LIPE: variants seen among roughly 807,000 people sequenced by gnomAD.
LIPE encodes the protein hormone-sensitive lipase.
LIPE carries 66 observed loss-of-function variants against 88.5 expected under a neutral mutation model. The observed-to-expected ratio is 0.75, with a 90% CI of 0.61 to 0.91. The LOEUF is 0.91. Among genes scored for constraint, LIPE ranks in the 40% least tolerant of loss-of-function variants. LIPE has a pLI of 0.00. For missense variants in LIPE, 1,346 were observed against 1,434.7 expected (o/e 0.94, Z 1.00); for synonymous variants, 570 against 617.5 (o/e 0.92, Z 1.14).
At chr19:42,424,670 T>A in intron 1 of LIPE, 1 of 456,100 alleles carries the variant, frequency 2.2e-6, no homozygotes, top group Non-Finnish European at 4.4e-6. Context: ...TTGCCTGCCC[T>A]CTGGACCAGG....
chr19:42,425,716 A>G (rs1817400719), intron 1 of LIPE, among the ~76,000 whole-genome samples: 1 of 152,160 alleles, frequency 6.6e-6, no homozygotes, highest in Admixed American at 6.5e-5. Context: ...AGGCTGAGGT[A>G]TGAGGATCGC....
In LIPE at chr19:42,403,292, T is replaced by TGA. The variant is rs1555787937; in HGVS notation, c.2543-263_2543-262dup. 0.22 allele frequency among the ~76,000 whole-genome samples: 28,416 copies of TGA among 128,838 alleles called. 5,438 individuals are homozygous for TGA. The highest frequency in any genetic ancestry group is 0.27 in the East Asian group (1,132 of 4,224). The allele number at this position is 128,838 out of a possible 152,430, so 84.5% of individuals were successfully genotyped here. A position where few individuals can be genotyped will look rare whatever the true frequency, so the allele number is the denominator to read the frequency against. ...GTGTGTGTGTGTGTGTGTGTGTGTG[T>TGA]GACTGGGAAGATTAGGTGCAGTTTA... On this transcript the variant is annotated intron_variant, in intron 8 of 9. Transcript: ENST00000244289.
At position 42,403,024 on chromosome 19, in the gene LIPE, C is replaced by G; in HGVS notation, c.2550G>C (p.Met850Ile). 6.4e-7 allele frequency: 1 copy of G among 1,555,070 alleles called. No homozygotes were observed. Among genetic ancestry groups the G allele is most frequent in the South Asian group, 1.2e-5 (1 of 86,262 alleles). Residue 850 changes from methionine to isoleucine, a missense_variant, in exon 9 of 10, where the codon ATG becomes ATC. By Grantham distance (10) the Met-to-Ile change is conservative (BLOSUM62 1). Transcript: ENST00000244289. ...QKMSEPIAEP[M>I]RRSVSEAALA... ...GTGCTGCTTCAGACACACTGCGGCG[C>G]ATCGGCTCTGAGAGAGGGAGAGCAG...
chr19:42,421,422 G>A (rs1255123941), intron 1 of LIPE, among the ~76,000 whole-genome samples: 1 of 152,060 alleles, frequency 6.6e-6, no homozygotes, highest in Non-Finnish European at 1.5e-5. Context: ...ATCTTCCCAG[G>A]GTGTTTTTCT....
rs549086455 is a variant in LIPE, at chr19:42,407,432, C to T, written c.1879G>A (p.Gly627Ser). 4 of 1,613,392 alleles carry T rather than the reference C, an allele frequency of 2.5e-6. No homozygotes were observed. The highest frequency in any genetic ancestry group is 2.7e-5 in the African/African-American group (2 of 74,992). ...EELSSLIKSN[G>S]QRSLELWPRP... is the part of the protein sequence containing the mutation. ...GGCCACAGCTCCAGGCTCCGTTGGCCGTTGGACTTTATCAGGCTGCTGAGC... is the reference window on the plus strand; with the variant it reads ...GGCCACAGCTCCAGGCTCCGTTGGCTGTTGGACTTTATCAGGCTGCTGAGC... Residue 627 changes from glycine to serine, a missense_variant, in exon 6 of 10, where the codon GGC (glycine) becomes AGC (serine). Gly to Ser is a moderately conservative substitution (Grantham distance 56). Transcript: ENST00000244289. This position sits in a 1 kb window ranked among gnomAD's most constrained non-coding sequence, Gnocchi z 5.8.
At chr19:42,420,564 G>A (rs1170839049) in intron 1 of LIPE, among the ~76,000 whole-genome samples, 1 of 151,862 alleles carries the variant, frequency 6.6e-6, no homozygotes, top group Non-Finnish European at 1.5e-5. Context: ...AACCCAGGAT[G>A]TCATCCTGGC....
chr19:42,424,421 C>T, intron 1 of LIPE: 1 of 456,356 alleles, frequency 2.2e-6, no homozygotes, highest in South Asian at 1.5e-5. Context: ...GAAAGGCAAC[C>T]TCGCCCGCCG....
intron 1 of LIPE, among the ~76,000 whole-genome samples, chr19:42,418,005 C>A (rs1457045564): frequency 4.1e-5 from 6 of 147,766 alleles, no homozygotes; most frequent in African/African-American, 1.5e-4. Flanking sequence ...TTTTTTGAGA[C>A]AAGTTTCGCT....
chr19:42,408,377 G>A lies in LIPE; in HGVS notation c.1420-55C>T, dbSNP rs2040260764. Reference sequence around the variant, plus strand: ...CGCTCAAGAGAGGGATGGGGACAGGGCAGGAGCGAGGCACAGGGATGTGCG... The same window carrying A: ...CGCTCAAGAGAGGGATGGGGACAGGACAGGAGCGAGGCACAGGGATGTGCG... On this transcript the variant is annotated intron_variant, in intron 2 of 9. Transcript: ENST00000244289. This position sits in a 1 kb window ranked among gnomAD's most constrained non-coding sequence, Gnocchi z 4.3. 4 of 1,423,830 alleles carry A rather than the reference G, an allele frequency of 2.8e-6. No homozygotes were observed. The highest frequency in any genetic ancestry group is 2.3e-5 in the South Asian group (2 of 87,172). 88.2% of individuals were successfully genotyped at this position (1,423,830 alleles called of 1,614,324 possible).
In LIPE at chr19:42,405,976, TCACACA is replaced by T. The variant is rs57282318; in HGVS notation, c.2365+179_2365+184del. On this transcript the variant is annotated intron_variant, in intron 7 of 9. Transcript: ENST00000244289. Reference sequence around the variant, plus strand: ...GTGTCTGTCTGTCTCTCTCTCTCTCTCACACACACACACACACACACACACACACAC... The same window carrying T: ...GTGTCTGTCTGTCTCTCTCTCTCTCTCACACACACACACACACACACACAC... 7,356 of 416,374 alleles carry T rather than the reference TCACACA, an allele frequency of 0.018. 22 individuals are homozygous for T. Among genetic ancestry groups the T allele is most frequent in the South Asian group, 0.023 (618 of 27,346 alleles). 25.8% of individuals were successfully genotyped at this position (416,374 alleles called of 1,614,324 possible).
chr19:42,411,232 G>T, intron 1 of LIPE: 1 of 860,664 alleles, frequency 1.2e-6, no homozygotes, highest in Non-Finnish European at 1.4e-6. Flanking sequence ...GACATTCCCT[G>T]AGCCCACACG....
chr19:42,401,560 AG>A lies in LIPE; in HGVS notation c.*251del, dbSNP rs1200774444. On this transcript the variant is annotated 3_prime_UTR_variant, in exon 10 of 10. Transcript: ENST00000244289. ...AACAAACCAAACCGACCTGCAAGGG[AG>A]GGCCAGTCCCCGTCCCTGCGGCGGT... The A allele has an allele frequency of 2.7e-5, 13 of 481,018 alleles. No individual in the cohort carries two copies. Among genetic ancestry groups the A allele is most frequent in the Non-Finnish European group, 4.7e-5 (13 of 274,086 alleles). 29.8% of individuals were successfully genotyped at this position (481,018 alleles called of 1,614,324 possible). A position where few individuals can be genotyped will look rare whatever the true frequency, so the allele number is the denominator to read the frequency against.
In LIPE at chr19:42,407,081, A is replaced by T. The variant is rs2040208673; in HGVS notation, c.2137+93T>A. 2.7e-6 allele frequency: 3 copies of T among 1,108,466 alleles called. No individual in the cohort carries two copies. The highest frequency in any genetic ancestry group is 3.7e-6 in the Non-Finnish European group (3 of 803,258). 68.7% of individuals were successfully genotyped at this position (1,108,466 alleles called of 1,614,324 possible). A position where few individuals can be genotyped will look rare whatever the true frequency, so the allele number is the denominator to read the frequency against. ...AGCTGGGAGGTGTGGGGGGAGAGAA[A>T]GGTAGAGGGTGTGAGGCTGAGGCTG... On this transcript the variant is annotated intron_variant, in intron 6 of 9. Coordinates refer to ENST00000244289, the MANE Select transcript of LIPE (RefSeq NM_005357.4). The surrounding 1 kb of genome is among the most constrained non-coding windows in gnomAD (Gnocchi z 5.8).
Position 42,407,044 on chromosome 19 carries a change from TG to T in LIPE, c.2137+129del. ...CTGAGGTGGAAGATTGGGCAGGACC[TG>T]GGTGAGCAGGAGCTGGGAGGTGTGG... On this transcript the variant is annotated intron_variant, in intron 6 of 9. Coordinates refer to ENST00000244289, the MANE Select transcript of LIPE (RefSeq NM_005357.4). This position sits in a 1 kb window ranked among gnomAD's most constrained non-coding sequence, Gnocchi z 5.8. 3 of 806,854 alleles carry T rather than the reference TG, an allele frequency of 3.7e-6. No individual in the cohort carries two copies. The highest frequency in any genetic ancestry group is 5.7e-6 in the Non-Finnish European group (3 of 528,250). The allele number at this position is 806,854 out of a possible 1,614,324, so 50.0% of individuals were successfully genotyped here. A position where few individuals can be genotyped will look rare whatever the true frequency, so the allele number is the denominator to read the frequency against.
At chr19:42,423,976 G>T (rs2040657117) in intron 1 of LIPE, 1 of 1,168,442 alleles carries the variant, frequency 8.6e-7, no homozygotes, top group East Asian at 6.6e-5. Context: ...TTTGAAGGGG[G>T]AAAGTGGGGC....
chr19:42,417,426 A>AT (rs568678648), intron 1 of LIPE, among the ~76,000 whole-genome samples: 32 of 144,568 alleles, frequency 2.2e-4, no homozygotes, highest in East Asian at 1.4e-3. Flanking sequence ...TGCCTGGTTC[A>AT]TTTTTTTTTT....
chr19:42,403,084 G>T, intron 8 of LIPE, 53 bp from the exon 9 acceptor site: 1 of 1,475,052 alleles, frequency 6.8e-7, no homozygotes, highest in Non-Finnish European at 9.0e-7. Context: ...TTGTGTGTGT[G>T]GCTGGCAGGG....
intron 2 of LIPE, among the ~76,000 whole-genome samples, chr19:42,409,625 C>T (rs1368323134): frequency 1.3e-5 from 2 of 152,248 alleles, no homozygotes; most frequent in African/African-American, 4.8e-5. Flanking sequence ...CAAGGCAGAG[C>T]TGGGCCCTGC....
At chr19:42,413,528 T>C (rs2040427243) in intron 1 of LIPE, among the ~76,000 whole-genome samples, 1 of 152,096 alleles carries the variant, frequency 6.6e-6, no homozygotes, top group Non-Finnish European at 1.5e-5. Flanking sequence ...TAGCCGGGCA[T>C]GGTGGTGGGC....
Sources: allele counts gnomAD v4.1 joint callset (sites outside exome capture counted in the v4.1 genomes callset), GRCh38; gene constraint gnomAD v4.1.1; non-coding constraint Gnocchi (gnomAD v3.1); transcripts MANE v1.5; gene names NCBI Gene and HGNC (gene_info 2026-07-23, HGNC 2026-07-21).